The following AGPAT4 variants were observed in gnomAD, a reference collection of about 807,000 sequenced individuals.
The protein encoded by AGPAT4 is 1-acyl-sn-glycerol-3-phosphate acyltransferase delta.
AGPAT4 carries 15 observed loss-of-function variants against 48.0 expected under a neutral mutation model. The observed-to-expected ratio is 0.31, with a 90% CI of 0.21 to 0.48. The LOEUF is 0.48. Ranked by LOEUF, AGPAT4 falls within the 20% of genes least tolerant of loss-of-function variation. The probability of loss-of-function intolerance (pLI) is 0.99; values close to 1 mark genes in which losing one functional copy is unlikely to be tolerated. For missense variants in AGPAT4, 314 were observed against 482.5 expected (o/e 0.65, Z 3.27); for synonymous variants, 178 against 198.7 (o/e 0.90, Z 0.88).
Position 161,243,474 on chromosome 6 carries a change from C to CACAA in AGPAT4, c.-89-11176_-89-11173dup, listed in dbSNP as rs1201639055. Among the ~76,000 whole-genome samples, 1 of 152,226 alleles carries CACAA rather than the reference C, an allele frequency of 6.6e-6. No homozygotes were observed. The highest frequency in any genetic ancestry group is 2.4e-5 in the African/African-American group (1 of 41,456). The stretch of plus-strand genomic sequence containing the variant: ...CGGCCATCCTGCGCACTTGGCCCAC[C>CACAA]ACAAGGCTGTGTGCCCAGAGCCTGC... On this transcript the variant is annotated intron_variant, in intron 1 of 8. Coordinates refer to ENST00000320285, the MANE Select transcript of AGPAT4 (RefSeq NM_020133.3). This position sits in a 1 kb window ranked among gnomAD's most constrained non-coding sequence, Gnocchi z 4.8.
chr6:161,233,572 AG>A lies in AGPAT4; in HGVS notation c.-89-1271del, dbSNP rs1346211732. Among the ~76,000 whole-genome samples, 1 of 152,210 alleles carries A rather than the reference AG, an allele frequency of 6.6e-6. No homozygotes were observed. The highest frequency in any genetic ancestry group is 1.5e-5 in the Non-Finnish European group (1 of 68,042). ...ATCCATTCAGAGAAATTTTAATTCG[AG>A]GCCATACAACTCTTCTGTTTTTCAC... On this transcript the variant is annotated intron_variant, in intron 1 of 8. Coordinates refer to ENST00000320285, the MANE Select transcript of AGPAT4 (RefSeq NM_020133.3). The surrounding 1 kb of genome is among the most constrained non-coding windows in gnomAD (Gnocchi z 5.4).
intron 2 of AGPAT4, among the ~76,000 whole-genome samples, chr6:161,179,422 G>T (rs942550493): frequency 6.6e-6 from 1 of 152,234 alleles, no homozygotes; most frequent in African/African-American, 2.4e-5. Context: ...ACCTCAGGCA[G>T]CGCTGTGGTC....
rs1782163027 is a variant in AGPAT4 at position 161,232,935 on chromosome 6, C to T, written c.-89-633G>A. On this transcript the variant is annotated intron_variant, in intron 1 of 8. Coordinates refer to ENST00000320285, the MANE Select transcript of AGPAT4 (RefSeq NM_020133.3). This position sits in a 1 kb window ranked among gnomAD's most constrained non-coding sequence, Gnocchi z 6.8. ...TTTCTCCAGCACATGAGAGCCATCACTGGCACAGGGTGGGAACTTAATTTT... is the reference window on the plus strand; with the variant it reads ...TTTCTCCAGCACATGAGAGCCATCATTGGCACAGGGTGGGAACTTAATTTT... 6.6e-6 allele frequency among the ~76,000 whole-genome samples: 1 copy of T among 152,198 alleles called. No individual in the cohort carries two copies. The highest frequency in any genetic ancestry group is 1.5e-5 in the Non-Finnish European group (1 of 68,040).
At chr6:161,160,561 TC>T (rs1241719324) in intron 3 of AGPAT4, 2 of 180,532 alleles carry the variant, frequency 1.1e-5, no homozygotes, top group African/African-American at 4.7e-5. Context: ...CCAACTTCCC[TC>T]TGTTTACCAG....
At chr6:161,269,731 C>G (rs1783369572) in intron 1 of AGPAT4, among the ~76,000 whole-genome samples, 1 of 152,138 alleles carries the variant, frequency 6.6e-6, no homozygotes, top group South Asian at 2.1e-4. Context: ...TAAGGAAAAA[C>G]CAGTTTCCCG....
Position 161,206,529 on chromosome 6 carries a change from C to A in AGPAT4, c.178+25507G>T, listed in dbSNP as rs1781383100. On this transcript the variant is annotated intron_variant, in intron 2 of 8. Transcript: ENST00000320285. This position sits in a 1 kb window ranked among gnomAD's most constrained non-coding sequence, Gnocchi z 4.8. ...TACCTGGCAATAATAAGGTGGCATCCCTTGACCCAGTGACACAGTATCAGA... is the reference window on the plus strand; with the variant it reads ...TACCTGGCAATAATAAGGTGGCATCACTTGACCCAGTGACACAGTATCAGA... Among the ~76,000 whole-genome samples the A allele has an allele frequency of 6.6e-6, 1 of 152,094 alleles. No individual in the cohort carries two copies. Among genetic ancestry groups the A allele is most frequent in the Non-Finnish European group, 1.5e-5 (1 of 68,014 alleles).
intron 4 of AGPAT4, among the ~76,000 whole-genome samples, chr6:161,153,779 A>G (rs1029299495): frequency 2.0e-5 from 3 of 148,554 alleles, no homozygotes; most frequent in Non-Finnish European, 4.5e-5. Context: ...ATGGTTACAT[A>G]CAGCCCTGAG....
Position 161,223,996 on chromosome 6 carries a change from GA to G in AGPAT4, c.178+8039del, listed in dbSNP as rs536170268. Among the ~76,000 whole-genome samples, 139 of 152,328 alleles carry G rather than the reference GA, an allele frequency of 9.1e-4. No homozygotes were observed. The highest frequency in any genetic ancestry group is 6.8e-3 in the Middle Eastern group (2 of 294). On this transcript the variant is annotated intron_variant, in intron 2 of 8. Coordinates refer to ENST00000320285, the MANE Select transcript of AGPAT4 (RefSeq NM_020133.3). The surrounding 1 kb of genome is among the most constrained non-coding windows in gnomAD (Gnocchi z 6.3). Reference sequence around the variant, plus strand: ...GTTCCTCTTAGCCTGCACGGATCGTGATTCTTTTATTTTTCTCCCATCTATC... The same window carrying G: ...GTTCCTCTTAGCCTGCACGGATCGTGTTCTTTTATTTTTCTCCCATCTATC...
intron 2 of AGPAT4, among the ~76,000 whole-genome samples, chr6:161,199,299 A>G (rs1293848061): frequency 6.6e-6 from 1 of 152,174 alleles, no homozygotes; most frequent in Non-Finnish European, 1.5e-5. Flanking sequence ...CAGTGTTCAA[A>G]GCTCAGGCTA....
chr6:161,267,131 C>T lies in AGPAT4; in HGVS notation c.-90+6807G>A, dbSNP rs3798951. On this transcript the variant is annotated intron_variant, in intron 1 of 8. Transcript: ENST00000320285. The surrounding 1 kb of genome is among the most constrained non-coding windows in gnomAD (Gnocchi z 5.2). The stretch of plus-strand genomic sequence containing the variant: ...CTCAGTCAAGTTCAATCCTGGGTTA[C>T]ACATTGGTTTTGAGAAGAGTTCATC... 6.6e-6 allele frequency among the ~76,000 whole-genome samples: 1 copy of T among 152,160 alleles called. No individual in the cohort carries two copies. Among genetic ancestry groups the T allele is most frequent in the Non-Finnish European group, 1.5e-5 (1 of 68,032 alleles).
At position 161,236,305 on chromosome 6, in the gene AGPAT4, A is replaced by G. The variant is rs192255064; in HGVS notation, c.-89-4003T>C. On this transcript the variant is annotated intron_variant, in intron 1 of 8. Coordinates refer to ENST00000320285, the MANE Select transcript of AGPAT4 (RefSeq NM_020133.3). This position sits in a 1 kb window ranked among gnomAD's most constrained non-coding sequence, Gnocchi z 5.0. ...AAAGATGTTTCTTACTATCAAGGCCAAAAATGATGAACTCGTGTGCTTGAC... is the reference window on the plus strand; with the variant it reads ...AAAGATGTTTCTTACTATCAAGGCCGAAAATGATGAACTCGTGTGCTTGAC... Among the ~76,000 whole-genome samples the G allele has an allele frequency of 1.3e-5, 2 of 152,284 alleles. No individual in the cohort carries two copies. The highest frequency in any genetic ancestry group is 2.9e-5 in the Non-Finnish European group (2 of 68,008).
At position 161,139,920 on chromosome 6, in the gene AGPAT4, C is replaced by T. The variant is rs1175336352; in HGVS notation, c.844-300G>A. Among the ~76,000 whole-genome samples the T allele has an allele frequency of 2.6e-5, 4 of 152,264 alleles. No individual in the cohort carries two copies. Among genetic ancestry groups the T allele is most frequent in the African/African-American group, 9.6e-5 (4 of 41,482 alleles). Reference sequence around the variant, plus strand: ...GCCAGCCTGGGCTAGGATCCACCCTCTGTGGGCAGGCACCTGCATCCCTGA... The same window carrying T: ...GCCAGCCTGGGCTAGGATCCACCCTTTGTGGGCAGGCACCTGCATCCCTGA... On this transcript the variant is annotated intron_variant, in intron 7 of 8. Coordinates refer to ENST00000320285, the MANE Select transcript of AGPAT4 (RefSeq NM_020133.3). The surrounding 1 kb of genome is among the most constrained non-coding windows in gnomAD (Gnocchi z 9.1).
chr6:161,189,784 G>T lies in AGPAT4; in HGVS notation c.179-23367C>A, dbSNP rs1163334866. Among the ~76,000 whole-genome samples the T allele has an allele frequency of 1.3e-5, 2 of 152,120 alleles. No homozygotes were observed. Among genetic ancestry groups the T allele is most frequent in the Non-Finnish European group, 2.9e-5 (2 of 68,018 alleles). On this transcript the variant is annotated intron_variant, in intron 2 of 8. Coordinates refer to ENST00000320285, the MANE Select transcript of AGPAT4 (RefSeq NM_020133.3). This position sits in a 1 kb window ranked among gnomAD's most constrained non-coding sequence, Gnocchi z 5.3. ...CCAAAAAAGGGCTGAATGCCAACCT[G>T]AAATGTGGTTCTCTGAGTATTTGTT...
At chr6:161,256,362 A>G (rs1301469785) in intron 1 of AGPAT4, among the ~76,000 whole-genome samples, 1 of 152,214 alleles carries the variant, frequency 6.6e-6, no homozygotes. Flanking sequence ...CTTTGTGCCT[A>G]AGATTGGGGA....
rs139497537 is a variant in AGPAT4, at chr6:161,182,056, C to T, written c.179-15639G>A. ...GGAAATGATGAAAACATTTGAGTAG[C>T]ACCACAACCCATCTTTGACCCCGAC... is the stretch of plus-strand genomic sequence containing the variant. On this transcript the variant is annotated intron_variant, in intron 2 of 8. Coordinates refer to ENST00000320285, the MANE Select transcript of AGPAT4 (RefSeq NM_020133.3). Among the ~76,000 whole-genome samples the T allele has an allele frequency of 1.9e-3, 289 of 152,190 alleles. 1 individual carries two copies. The highest frequency in any genetic ancestry group is 6.6e-3 in the African/African-American group (276 of 41,506).
rs1270303214 is a variant in AGPAT4, at chr6:161,242,082, C to T, written c.-89-9780G>A. On this transcript the variant is annotated intron_variant, in intron 1 of 8. Coordinates refer to ENST00000320285, the MANE Select transcript of AGPAT4 (RefSeq NM_020133.3). The surrounding 1 kb of genome is among the most constrained non-coding windows in gnomAD (Gnocchi z 5.0). ...TAGGGCTTCTGAATCATAACCAGTG[C>T]AGCAGCATCAGTATAAAAAATGTTT... Among the ~76,000 whole-genome samples, 1 of 152,156 alleles carries T rather than the reference C, an allele frequency of 6.6e-6. No homozygotes were observed. The highest frequency in any genetic ancestry group is 1.5e-5 in the Non-Finnish European group (1 of 68,030).
Position 161,140,090 on chromosome 6 carries a change from G to A in AGPAT4, c.844-470C>T, listed in dbSNP as rs1046941288. ...CAGTCAGGAGGAGCTCGCCCAGCCC[G>A]GCCCGGCACATGCCCCGCCTTCCCG... On this transcript the variant is annotated intron_variant, in intron 7 of 8. Coordinates refer to ENST00000320285, the MANE Select transcript of AGPAT4 (RefSeq NM_020133.3). This position sits in a 1 kb window ranked among gnomAD's most constrained non-coding sequence, Gnocchi z 6.5. Among the ~76,000 whole-genome samples the A allele has an allele frequency of 7.2e-5, 11 of 152,210 alleles. No homozygotes were observed. Among genetic ancestry groups the A allele is most frequent in the Non-Finnish European group, 1.5e-5 (1 of 68,036 alleles).
At position 161,233,758 on chromosome 6, in the gene AGPAT4, A is replaced by C. The variant is rs1782192921; in HGVS notation, c.-89-1456T>G. 6.6e-6 allele frequency among the ~76,000 whole-genome samples: 1 copy of C among 152,220 alleles called. No homozygotes were observed. The highest frequency in any genetic ancestry group is 6.5e-5 in the Admixed American group (1 of 15,280). On this transcript the variant is annotated intron_variant, in intron 1 of 8. Coordinates refer to ENST00000320285, the MANE Select transcript of AGPAT4 (RefSeq NM_020133.3). The surrounding 1 kb of genome is among the most constrained non-coding windows in gnomAD (Gnocchi z 5.4). ...CGATGATGTTTGGTAGGTGAGGTGC[A>C]TGCAATGCCTTTTTGACCTACAGTA...
chr6:161,205,880 A>G (rs977392982), intron 2 of AGPAT4, among the ~76,000 whole-genome samples: 3 of 152,202 alleles, frequency 2.0e-5, no homozygotes, highest in African/African-American at 4.8e-5. Context: ...GGGATAAGAT[A>G]GAGTAGGCAC....
Sources: gnomAD v4.1 joint callset for allele counts (sites outside exome capture counted in the v4.1 genomes callset) on GRCh38, gnomAD v4.1.1 for gene constraint, Gnocchi (gnomAD v3.1) non-coding constraint, MANE v1.5 for transcripts, NCBI Gene and HGNC (gene_info 2026-07-23, HGNC 2026-07-21) for gene names.